ERBB4: variants seen among roughly 807,000 people sequenced by gnomAD.
ERBB4 encodes receptor tyrosine-protein kinase erbB-4.
ERBB4 carries 42 observed loss-of-function variants against 158.0 expected under a neutral mutation model. That is an observed-to-expected ratio of 0.27 (90% CI 0.21 to 0.34). The LOEUF is 0.34. Among genes scored for constraint, ERBB4 ranks in the 10% least tolerant of loss-of-function variants. The pLI, the probability that ERBB4 is intolerant of heterozygous loss-of-function variation, is 1.00. For missense variants in ERBB4, 1,333 were observed against 1,624.1 expected (o/e 0.82, Z 3.08); for synonymous variants, 583 against 558.7 (o/e 1.04, Z -0.61).
chr2:211,448,461 A>AT, intron 20 of ERBB4, among the ~76,000 whole-genome samples: 2 of 108,056 alleles, frequency 1.9e-5, no homozygotes, highest in Non-Finnish European at 3.8e-5. Context: ...CATCTACCCA[A>AT]ACAGATACAC....
At chr2:211,550,505 G>A (rs1003564262) in intron 20 of ERBB4, among the ~76,000 whole-genome samples, 2 of 149,598 alleles carry the variant, frequency 1.3e-5, no homozygotes, top group African/African-American at 4.9e-5. Context: ...GCTTTCCTGG[G>A]TCTCCAGCTT....
At chr2:211,865,684 C>CT in intron 3 of ERBB4, among the ~76,000 whole-genome samples, 1 of 152,194 alleles carries the variant, frequency 6.6e-6, no homozygotes, top group African/African-American at 2.4e-5. Flanking sequence ...CCCAAACATA[C>CT]TTTTTAATCA....
rs187744375 is a variant in ERBB4 at position 212,230,830 on chromosome 2, T to A, written c.83-105927A>T. On this transcript the variant is annotated intron_variant, in intron 1 of 27. Coordinates refer to ENST00000342788, the MANE Select transcript of ERBB4 (RefSeq NM_005235.3). ...GATCAGCATGATAAAGAGTCTAGAG[T>A]CTCAAAAATCCAATGAGCAGTACCT... Among the ~76,000 whole-genome samples the A allele has an allele frequency of 9.9e-4, 150 of 152,280 alleles. 1 individual carries two copies. Among genetic ancestry groups the A allele is most frequent in the Non-Finnish European group, 2.1e-4 (14 of 68,008 alleles).
intron 3 of ERBB4, among the ~76,000 whole-genome samples, chr2:211,853,334 T>A (rs935623982): frequency 1.3e-5 from 2 of 152,006 alleles, no homozygotes; most frequent in Non-Finnish European, 2.9e-5. Context: ...GGGAATCCAT[T>A]CTCTATGCAT....
At chr2:212,420,712 T>C (rs1018131109) in intron 1 of ERBB4, among the ~76,000 whole-genome samples, 2 of 152,240 alleles carry the variant, frequency 1.3e-5, no homozygotes, top group Non-Finnish European at 1.5e-5. Context: ...TAATAAACCA[T>C]CCTCAGGCGT....
chr2:211,797,305 T>A (rs1366021235), intron 3 of ERBB4, among the ~76,000 whole-genome samples: 1 of 151,912 alleles, frequency 6.6e-6, no homozygotes, highest in Non-Finnish European at 1.5e-5. Flanking sequence ...TTGTCCCTTT[T>A]ATTTACAGGA....
chr2:211,619,056 T>C, intron 19 of ERBB4, 121 bp downstream of exon 19: 1 of 686,816 alleles, frequency 1.5e-6, no homozygotes, highest in Non-Finnish European at 2.6e-6. Context: ...AATTATAAGA[T>C]TATAATATTT....
intron 3 of ERBB4, among the ~76,000 whole-genome samples, chr2:211,878,953 C>T (rs756135329): frequency 3.3e-5 from 5 of 152,140 alleles, no homozygotes; most frequent in Non-Finnish European, 7.4e-5. Context: ...GAGTTCTTAA[C>T]AGATACTCTC....
chr2:212,108,571 G>A (rs2079300830), intron 2 of ERBB4, among the ~76,000 whole-genome samples: 1 of 152,060 alleles, frequency 6.6e-6, no homozygotes, highest in Admixed American at 6.6e-5. Flanking sequence ...ACCTAAATAA[G>A]GAATGCCATA....
chr2:211,666,752 A>T (rs1053528500), intron 14 of ERBB4, among the ~76,000 whole-genome samples: 1 of 152,134 alleles, frequency 6.6e-6, no homozygotes. Flanking sequence ...CCCCTTTGGA[A>T]CTTCTTCCCC....
At chr2:212,324,093 T>C (rs1243492379) in intron 1 of ERBB4, among the ~76,000 whole-genome samples, 2 of 150,540 alleles carry the variant, frequency 1.3e-5, no homozygotes, top group Non-Finnish European at 3.0e-5. Context: ...CTTCTTTCCC[T>C]CTCCTGCTGG....
intron 20 of ERBB4, among the ~76,000 whole-genome samples, chr2:211,557,087 T>C (rs1372121192): frequency 6.6e-6 from 1 of 152,170 alleles, no homozygotes; most frequent in Non-Finnish European, 1.5e-5. Context: ...ACTGGACCCC[T>C]TCCTTACACC....
At chr2:211,399,847 A>G in intron 25 of ERBB4, among the ~76,000 whole-genome samples, 1 of 152,150 alleles carries the variant, frequency 6.6e-6, no homozygotes, top group East Asian at 1.9e-4. Flanking sequence ...AAGAACAATA[A>G]GACAGACCTT....
chr2:212,475,374 C>A (rs1414480137), intron 1 of ERBB4, among the ~76,000 whole-genome samples: 1 of 152,132 alleles, frequency 6.6e-6, no homozygotes, highest in African/African-American at 2.4e-5. Flanking sequence ...GTCCTTCATC[C>A]TCTGTAAAAT....
intron 1 of ERBB4, among the ~76,000 whole-genome samples, chr2:212,373,764 C>T (rs11682538): frequency 0.53 from 51,462 of 97,698 alleles, 15,506 homozygotes; most frequent in African/African-American, 0.72. Flanking sequence ...TATATATCCA[C>T]GTATATATCC....
At chr2:212,341,195 T>C (rs1385982188) in intron 1 of ERBB4, among the ~76,000 whole-genome samples, 1 of 151,834 alleles carries the variant, frequency 6.6e-6, no homozygotes, top group Admixed American at 6.6e-5. Flanking sequence ...TTGAAATGTA[T>C]ATGCCAAAAT....
At chr2:211,424,768 G>A (rs2063588893) in intron 22 of ERBB4, among the ~76,000 whole-genome samples, 1 of 151,738 alleles carries the variant, frequency 6.6e-6, no homozygotes, top group South Asian at 2.1e-4. Context: ...ATTACCTTAT[G>A]TTACAATAAA....
intron 1 of ERBB4, among the ~76,000 whole-genome samples, chr2:212,476,633 G>A (rs1689419460): frequency 6.6e-6 from 1 of 152,088 alleles, no homozygotes; most frequent in Non-Finnish European, 1.5e-5. Context: ...AGACGCTATT[G>A]AGCAGATGAG....
chr2:211,876,112 C>CT (rs1178711409), intron 3 of ERBB4, among the ~76,000 whole-genome samples: 1 of 152,132 alleles, frequency 6.6e-6, no homozygotes, highest in Non-Finnish European at 1.5e-5. Flanking sequence ...CATAAGAAGG[C>CT]TTTCTCTCTT....
Sources: gnomAD v4.1 joint callset for allele counts (sites outside exome capture counted in the v4.1 genomes callset) on GRCh38, gnomAD v4.1.1 for gene constraint, MANE v1.5 for transcripts, NCBI Gene and HGNC (gene_info 2026-07-23, HGNC 2026-07-21) for gene names.